AOPEP: variants seen among roughly 807,000 people sequenced by gnomAD.
AOPEP encodes the protein aminopeptidase O (putative).
AOPEP carries 77 observed loss-of-function variants against 98.1 expected under a neutral mutation model. The observed-to-expected ratio is 0.78, with a 90% confidence interval of 0.65 to 0.95. The LOEUF (loss-of-function observed/expected upper bound fraction) is 0.95, where lower values mean the gene tolerates loss of function less well. AOPEP is among the 40% of genes least tolerant of loss of function. AOPEP has a pLI of 0.00. For synonymous variants in AOPEP, 346 were observed against 365.3 expected, an observed-to-expected ratio of 0.95 and a Z score of 0.60; for missense variants, 1,024 against 1,024.7, an observed-to-expected ratio of 1.00 and a Z score of 0.01.
At position 94,821,012 on chromosome 9, in the gene AOPEP, A is replaced by G. The variant is rs553978117; in HGVS notation, c.1364+20010A>G. ...TCTTCAGGTTTCACTAATTTTAACA[A>G]TTCTATAAAGTTATGTTCATCCTAT... is the stretch of plus-strand genomic sequence containing the variant. On this transcript the variant is annotated intron_variant, in intron 5 of 16. Coordinates refer to ENST00000375315, the MANE Select transcript of AOPEP (RefSeq NM_001193329.3). 3.3e-5 allele frequency among the ~76,000 whole-genome samples: 5 copies of G among 152,318 alleles called. No homozygotes were observed. The South Asian group carries it at 8.3e-4, about 25-fold the overall frequency.
At chr9:95,038,651 G>T (rs953160822) in intron 13 of AOPEP, among the ~76,000 whole-genome samples, 2 of 152,250 alleles carry the variant, frequency 1.3e-5, no homozygotes, top group African/African-American at 4.8e-5. Flanking sequence ...CCCTGCAAGA[G>T]AAGGCATCTC....
Position 94,792,840 on chromosome 9 carries a change from C to G in AOPEP, c.1040C>G (p.Thr347Arg). Residue 347 changes from threonine (T) to arginine (R), a missense_variant, in exon 4 of 17, where the codon ACA becomes AGA. Thr to Arg is a moderately conservative substitution (Grantham distance 71). Around this residue, in one of 3 missense-constraint regions of AOPEP, gnomAD observed 440 missense variants for 433.8 expected, o/e 1.01. Coordinates refer to ENST00000375315, the MANE Select transcript of AOPEP (RefSeq NM_001193329.3). ...STFTIAVGCW[T>R]EMKMETWSSN... is the part of the protein sequence containing the mutation. ...TTCACAATTGCAGTGGGATGCTGGA[C>G]AGAAATGAAGATGGAGACATGGTCA... is the stretch of plus-strand genomic sequence containing the variant. 1 of 1,612,728 alleles carries G rather than the reference C, an allele frequency of 6.2e-7. No individual in the cohort carries two copies. Among genetic ancestry groups the G allele is most frequent in the East Asian group, 2.2e-5 (1 of 44,860 alleles).
At chr9:94,932,919 GT>G in intron 7 of AOPEP, 1 of 985,438 alleles carries the variant, frequency 1.0e-6, no homozygotes, top group Non-Finnish European at 1.2e-6. Flanking sequence ...TGGAGAGCCT[GT>G]AATGTGGCTA....
intron 5 of AOPEP, among the ~76,000 whole-genome samples, chr9:94,819,943 A>ATT (rs1277486320): frequency 2.7e-5 from 2 of 74,542 alleles, no homozygotes; most frequent in Non-Finnish European, 5.8e-5. Context: ...CTTTAGTGCA[A>ATT]TTCTTTTTTT....
At chr9:94,854,876 G>A (rs1057210977) in intron 5 of AOPEP, among the ~76,000 whole-genome samples, 3 of 152,258 alleles carry the variant, frequency 2.0e-5, no homozygotes, top group Non-Finnish European at 4.4e-5. Flanking sequence ...ATATGAGTTA[G>A]GATGTTCTAA....
intron 5 of AOPEP, among the ~76,000 whole-genome samples, chr9:94,898,049 A>G (rs2049828312): frequency 6.6e-6 from 1 of 151,852 alleles, no homozygotes; most frequent in Admixed American, 6.6e-5. Context: ...CATGTTGGCC[A>G]GGCTGGTCTA....
chr9:95,009,249 A>C (rs951927047), intron 13 of AOPEP, among the ~76,000 whole-genome samples: 3 of 151,676 alleles, frequency 2.0e-5, no homozygotes, highest in African/African-American at 7.3e-5. Flanking sequence ...CAAAGATAAA[A>C]TTGTGTGCCA....
intron 1 of AOPEP, among the ~76,000 whole-genome samples, chr9:94,737,598 G>C (rs1832067810): frequency 6.6e-6 from 1 of 152,192 alleles, no homozygotes; most frequent in Admixed American, 6.5e-5. Context: ...GTAAAGTGCT[G>C]TTTGATATTA....
At chr9:94,858,912 CA>C (rs2044580032) in intron 5 of AOPEP, among the ~76,000 whole-genome samples, 1 of 151,480 alleles carries the variant, frequency 6.6e-6, no homozygotes, top group Non-Finnish European at 1.5e-5. Context: ...CCTGTAGTCC[CA>C]GCTACTCAGG....
intron 5 of AOPEP, among the ~76,000 whole-genome samples, chr9:94,817,315 A>G (rs1031819336): frequency 3.3e-5 from 5 of 152,148 alleles, no homozygotes; most frequent in Non-Finnish European, 7.4e-5. Flanking sequence ...CTTGTACCCT[A>G]TGTTCTAAAA....
chr9:94,811,923 G>A (rs1850696206), intron 5 of AOPEP, among the ~76,000 whole-genome samples: 1 of 152,218 alleles, frequency 6.6e-6, no homozygotes, highest in East Asian at 1.9e-4. Flanking sequence ...GGGGTGAGGA[G>A]AATAAATGGA....
chr9:95,071,732 C>T (rs1408134602), intron 14 of AOPEP, among the ~76,000 whole-genome samples: 1 of 152,154 alleles, frequency 6.6e-6, no homozygotes, highest in African/African-American at 2.4e-5. Context: ...GCCATGTCTG[C>T]TCAGGCCCTT....
intron 5 of AOPEP, among the ~76,000 whole-genome samples, chr9:94,923,739 T>A (rs904543726): frequency 6.6e-6 from 1 of 152,206 alleles, no homozygotes; most frequent in African/African-American, 2.4e-5. Flanking sequence ...AGGTTACTTA[T>A]TACAGGTAAT....
chr9:94,757,885 A>G (rs183516121), intron 1 of AOPEP, among the ~76,000 whole-genome samples: 3 of 152,238 alleles, frequency 2.0e-5, no homozygotes, highest in Non-Finnish European at 4.4e-5. Flanking sequence ...CTGATTACAT[A>G]GAAATAGCCA....
intron 5 of AOPEP, among the ~76,000 whole-genome samples, chr9:94,813,779 G>C (rs565928570): frequency 1.3e-5 from 2 of 152,316 alleles, no homozygotes; most frequent in South Asian, 4.1e-4. Context: ...TGCAGAAATG[G>C]GTTGGAGCAT....
chr9:94,764,445 G>A (rs1434394877), intron 2 of AOPEP, among the ~76,000 whole-genome samples: 2 of 152,064 alleles, frequency 1.3e-5, no homozygotes, highest in East Asian at 1.9e-4. Context: ...CCAGGAGTTC[G>A]AGACCAGCCT....
At chr9:94,839,819 A>C (rs1247353656) in intron 5 of AOPEP, among the ~76,000 whole-genome samples, 1 of 151,946 alleles carries the variant, frequency 6.6e-6, no homozygotes, top group Non-Finnish European at 1.5e-5. Context: ...CTCAGGCTGG[A>C]GTGCAGTGGT....
At chr9:95,009,616 T>C (rs1728368513) in intron 13 of AOPEP, among the ~76,000 whole-genome samples, 1 of 152,206 alleles carries the variant, frequency 6.6e-6, no homozygotes, top group Admixed American at 6.5e-5. Flanking sequence ...GTATTAGCGT[T>C]TCCAAGCGAG....
chr9:95,110,988 G>A, the AOPEP span: 30 of 1,422,082 alleles, frequency 2.1e-5, no homozygotes, highest in Non-Finnish European at 2.7e-5. Flanking sequence ...TGTAAATAAA[G>A]CCAGTAATGT....
Sources: gnomAD v4.1 joint callset for allele counts (sites outside exome capture counted in the v4.1 genomes callset) on GRCh38, gnomAD v4.1.1 for gene constraint, gnomAD v4.1.1 regional missense constraint, MANE v1.5 for transcripts, NCBI Gene and HGNC (gene_info 2026-07-23, HGNC 2026-07-21) for gene names.